The following BPIFC variants were observed in gnomAD, a reference collection of about 807,000 sequenced individuals.
BPIFC encodes the protein BPI fold containing family C.
A neutral mutation model predicts 57.6 loss-of-function variants in BPIFC; 60 were observed. The observed-to-expected ratio is 1.04, with a 90% CI of 0.85 to 1.29. The LOEUF is 1.29. Ranked by LOEUF, BPIFC falls within the 50% of genes most tolerant of loss-of-function variation. The pLI is 0.00. For synonymous variants in BPIFC, 243 were observed against 224.5 expected, an observed-to-expected ratio of 1.08 and a Z score of -0.74; for missense variants, 581 against 600.5, an observed-to-expected ratio of 0.97 and a Z score of 0.34.
At chr22:32,436,298 C>G (rs181053898) in intron 9 of BPIFC, among the ~76,000 whole-genome samples, 96 of 139,254 alleles carry the variant, frequency 6.9e-4, no homozygotes, top group African/African-American at 2.5e-3. Context: ...GGGACCTTGT[C>G]CAAAAGAAGA....
At chr22:32,456,657 T>C (rs1049266405) in intron 3 of BPIFC, among the ~76,000 whole-genome samples, 2 of 152,242 alleles carry the variant, frequency 1.3e-5, no homozygotes, top group East Asian at 3.9e-4. Flanking sequence ...CAGGTCCATA[T>C]ACTTTGATTT....
intron 4 of BPIFC, among the ~76,000 whole-genome samples, chr22:32,451,117 G>T (rs751842152): frequency 5.9e-5 from 9 of 152,140 alleles, no homozygotes; most frequent in Non-Finnish European, 1.0e-4. Context: ...GGCCTAAAAC[G>T]ATTGTATTGG....
intron 5 of BPIFC, 42 bp downstream of exon 5, chr22:32,447,170 A>T: frequency 6.8e-7 from 1 of 1,460,732 alleles, no homozygotes; most frequent in Non-Finnish European, 9.1e-7. Context: ...TTTTGCTCAC[A>T]TTCTCCCAGA....
intron 2 of BPIFC, among the ~76,000 whole-genome samples, 173 bp from the exon 3 acceptor site, chr22:32,457,559 G>GTCCATCCATCCATCCA (rs71320927): frequency 1.0e-4 from 15 of 148,788 alleles, no homozygotes; most frequent in African/African-American, 2.7e-4. Flanking sequence ...CCATCCATCC[G>GTCCATCCATCCATCCA]TCCATCCATC....
chr22:32,431,566 T>G (rs1934244178), intron 12 of BPIFC, 152 bp from the exon 13 acceptor site: 4 of 569,318 alleles, frequency 7.0e-6, no homozygotes, highest in Non-Finnish European at 1.2e-5. Flanking sequence ...TACAGACCTC[T>G]GAAAATCCTG....
chr22:32,442,739 C>T lies in BPIFC; in HGVS notation c.595-8G>A, dbSNP rs1356726330. 1.2e-6 allele frequency: 2 copies of T among 1,613,030 alleles called. No individual in the cohort carries two copies. Among genetic ancestry groups the T allele is most frequent in the South Asian group, 1.1e-5 (1 of 90,830 alleles). On this transcript the variant is annotated splice_polypyrimidine_tract_variant and splice_region_variant and intron_variant, in intron 7 of 16. Coordinates refer to ENST00000300399, the MANE Select transcript of BPIFC (RefSeq NM_174932.3). ...TGCAATAATGGGACAGAGCTGGCCA[C>T]AAAGGAATAAAAAGAAAAAAGCAAG...
intron 13 of BPIFC, among the ~76,000 whole-genome samples, chr22:32,423,074 G>C (rs1933894632): frequency 6.6e-6 from 1 of 152,210 alleles, no homozygotes; most frequent in South Asian, 2.1e-4. Flanking sequence ...AGGTGAGCCA[G>C]TCTAAAGCAG....
Position 32,447,235 on chromosome 22 carries a change from G to C in BPIFC, c.351C>G (p.Asp117Glu). ...ACAAAAGTGGAGACTCGAACCCCCA[G>C]TCTGTGCTGATGTTGGCAGTGCCAT... ...TNHGTANIST[D>E]WGFESPLFQD... The change falls in exon 5 of 17, where the codon GAC becomes GAG. Residue 117 changes from aspartate to glutamate, a missense_variant. Asp to Glu is a conservative substitution (Grantham distance 45). Coordinates refer to ENST00000300399, the MANE Select transcript of BPIFC (RefSeq NM_174932.3). The C allele has an allele frequency of 1.2e-6, 2 of 1,612,130 alleles. No individual in the cohort carries two copies. The highest frequency in any genetic ancestry group is 1.7e-6 in the Non-Finnish European group (2 of 1,179,012).
intron 14 of BPIFC, among the ~76,000 whole-genome samples, chr22:32,417,784 A>C (rs936127834): frequency 6.6e-6 from 1 of 152,144 alleles, no homozygotes; most frequent in African/African-American, 2.4e-5. Flanking sequence ...CTTACTGGGA[A>C]TCTCGGCCAC....
intron 5 of BPIFC, 138 bp from the exon 6 acceptor site, chr22:32,446,134 A>C (rs764289343): frequency 5.4e-6 from 5 of 933,228 alleles, no homozygotes; most frequent in Admixed American, 2.7e-5. Context: ...TTGCACCTAC[A>C]ACAGGTAGGA....
chr22:32,432,619 C>G lies in BPIFC; in HGVS notation c.979-76G>C, dbSNP rs996759994. 7 of 1,387,116 alleles carry G rather than the reference C, an allele frequency of 5.0e-6. No individual in the cohort carries two copies. In the Admixed American group the frequency reaches 1.3e-4, roughly 26 times the overall value. The allele number at this position is 1,387,116 out of a possible 1,614,324, so 85.9% of individuals were successfully genotyped here. A position where few individuals can be genotyped will look rare whatever the true frequency, so the allele number is the denominator to read the frequency against. ...AGGGAGATCACAAGGTTAGGATGGC[C>G]TGTGGTGACTAAATCTTACATTGTG... On this transcript the variant is annotated intron_variant, in intron 11 of 16. Transcript: ENST00000300399.
chr22:32,458,132 A>G (rs778949128), intron 2 of BPIFC, among the ~76,000 whole-genome samples: 8 of 152,130 alleles, frequency 5.3e-5, no homozygotes, highest in Non-Finnish European at 1.2e-4. Context: ...TCATTTTATC[A>G]GCTACAAGGT....
chr22:32,435,028 A>G (rs1455594976), intron 10 of BPIFC, among the ~76,000 whole-genome samples: 2 of 152,166 alleles, frequency 1.3e-5, no homozygotes, highest in Non-Finnish European at 2.9e-5. Context: ...GTTATATCGC[A>G]CTTATTCTGT....
chr22:32,439,976 G>C (rs1370885185), intron 8 of BPIFC, among the ~76,000 whole-genome samples: 1 of 152,166 alleles, frequency 6.6e-6, no homozygotes, highest in African/African-American at 2.4e-5. Flanking sequence ...TCATTTCACA[G>C]ATGTGGTGAG....
chr22:32,431,770 T>C (rs1261046863), intron 12 of BPIFC, among the ~76,000 whole-genome samples: 1 of 152,180 alleles, frequency 6.6e-6, no homozygotes, highest in East Asian at 1.9e-4. Context: ...AAATGAATTC[T>C]ACCTTGATTG....
chr22:32,464,288 T>A, intron 1 of BPIFC, 86 bp downstream of exon 1: 1 of 505,694 alleles, frequency 2.0e-6, no homozygotes, highest in Non-Finnish European at 2.6e-6. Context: ...GACAGCTGCC[T>A]GTTCAAAGTG....
intron 2 of BPIFC, among the ~76,000 whole-genome samples, chr22:32,461,296 G>GA (rs2145972922): frequency 6.6e-6 from 1 of 152,318 alleles, no homozygotes; most frequent in African/African-American, 2.4e-5. Context: ...ACAAGTTACA[G>GA]AGGGAAACTG....
At chr22:32,415,877 G>T (rs867248388) in intron 16 of BPIFC, 38 bp downstream of exon 16, 2 of 1,421,910 alleles carry the variant, frequency 1.4e-6, no homozygotes. Context: ...ACTATAAAAA[G>T]AAATGGGTCA....
Position 32,442,718 on chromosome 22 carries a change from A to G in BPIFC, c.608T>C (p.Ile203Thr). 1.9e-6 allele frequency: 3 copies of G among 1,613,936 alleles called. No individual in the cohort carries two copies. Among genetic ancestry groups the G allele is most frequent in the Non-Finnish European group, 8.5e-7 (1 of 1,179,934 alleles). ...KNLNEMLCPIIASEVKALNAN... is the reference protein window; with the variant it reads ...KNLNEMLCPITASEVKALNAN... Reference sequence around the variant, plus strand: ...ATTTAGCGCTTTGACTTCACTTGCAATAATGGGACAGAGCTGGCCACAAAG... The same window carrying G: ...ATTTAGCGCTTTGACTTCACTTGCAGTAATGGGACAGAGCTGGCCACAAAG... Residue 203 changes from isoleucine to threonine, a missense_variant, in exon 8 of 17, where the codon ATT (isoleucine) becomes ACT (threonine). Physicochemically the swap from Ile to Thr is moderately conservative, Grantham distance 89. Transcript: ENST00000300399.
Sources: allele counts gnomAD v4.1 joint callset (sites outside exome capture counted in the v4.1 genomes callset), GRCh38; gene constraint gnomAD v4.1.1; transcripts MANE v1.5; gene names NCBI Gene and HGNC (gene_info 2026-07-23, HGNC 2026-07-21).